TPRG1: variants seen among roughly 807,000 people sequenced by gnomAD.
TPRG1 encodes tumor protein p63-regulated gene 1 protein.
In TPRG1, 29 loss-of-function variants were observed where a neutral mutation model predicts 29.3. The observed-to-expected ratio is 0.99, with a 90% CI of 0.74 to 1.35. The LOEUF (loss-of-function observed/expected upper bound fraction) is 1.35, where lower values mean the gene tolerates loss of function less well. Ranked by LOEUF, TPRG1 falls within the 40% of genes most tolerant of loss-of-function variation. The probability of loss-of-function intolerance (pLI) is 0.00; values close to 1 mark genes in which losing one functional copy is unlikely to be tolerated. For missense variants in TPRG1, 327 were observed against 335.0 expected (o/e 0.98, Z 0.19); for synonymous variants, 130 against 116.8 (o/e 1.11, Z -0.73).
chr3:189,069,559 G>A (rs1716682974), intron 4 of TPRG1, among the ~76,000 whole-genome samples: 1 of 152,094 alleles, frequency 6.6e-6, no homozygotes, highest in African/African-American at 2.4e-5. Context: ...GCATCTAAAG[G>A]TATAATGATC....
At position 189,207,369 on chromosome 3, in the gene TPRG1, G is replaced by T. The variant is rs1346284750; in HGVS notation, c.-9-7G>T. The stretch of plus-strand genomic sequence containing the variant: ...TTTTCAATGAGATTTTTCTGCCCTT[G>T]GTTTAGGCTGAAGAAATGTCAACAA... On this transcript the variant is annotated splice_polypyrimidine_tract_variant and splice_region_variant and intron_variant, in intron 1 of 5. Transcript: ENST00000345063. 37 of 1,613,682 alleles carry T rather than the reference G, an allele frequency of 2.3e-5. No homozygotes were observed. The highest frequency in any genetic ancestry group is 3.1e-5 in the Non-Finnish European group (37 of 1,179,818).
chr3:189,135,570 C>A (rs764134910), intron 3 of TPRG1, among the ~76,000 whole-genome samples: 5 of 152,190 alleles, frequency 3.3e-5, no homozygotes, highest in Non-Finnish European at 7.3e-5. Context: ...CTTTCCCTGT[C>A]GCCCTTCATG....
chr3:189,254,456 A>T (rs996626137), intron 4 of TPRG1, among the ~76,000 whole-genome samples: 3 of 152,176 alleles, frequency 2.0e-5, no homozygotes, highest in Non-Finnish European at 2.9e-5. Flanking sequence ...AGGTAGCATG[A>T]TGCCTCCAGC....
intron 4 of TPRG1, among the ~76,000 whole-genome samples, chr3:189,247,693 C>G (rs557488776): frequency 6.6e-6 from 1 of 151,866 alleles, no homozygotes; most frequent in Non-Finnish European, 1.5e-5. Flanking sequence ...GAAAAGCAGT[C>G]TGCTGGGAAT....
In TPRG1 at chr3:189,176,888, A is replaced by G. The variant is rs115196701; in HGVS notation, c.-10+4757A>G. On this transcript the variant is annotated intron_variant, in intron 1 of 5. Coordinates refer to ENST00000345063, the MANE Select transcript of TPRG1 (RefSeq NM_198485.4). ...ATGCAGGGCCCTGTAAGACACAATAAGGGCTTTGACTTTCACTCTGATTGA... is the reference window on the plus strand; with the variant it reads ...ATGCAGGGCCCTGTAAGACACAATAGGGGCTTTGACTTTCACTCTGATTGA... Among the ~76,000 whole-genome samples, 899 of 152,362 alleles carry G rather than the reference A, an allele frequency of 5.9e-3. 13 individuals are homozygous for G. The highest frequency in any genetic ancestry group is 0.021 in the African/African-American group (874 of 41,586).
chr3:189,061,241 A>G (rs1716085271), intron 4 of TPRG1, among the ~76,000 whole-genome samples: 1 of 152,210 alleles, frequency 6.6e-6, no homozygotes, highest in Admixed American at 6.5e-5. Context: ...CTGGATAGCC[A>G]TATGCAGAAG....
At chr3:189,083,447 C>A (rs371761520) in intron 4 of TPRG1, among the ~76,000 whole-genome samples, 1 of 152,312 alleles carries the variant, frequency 6.6e-6, no homozygotes, top group South Asian at 2.1e-4. Context: ...CCTGTCACGC[C>A]ATCTACCCAA....
intron 4 of TPRG1, among the ~76,000 whole-genome samples, chr3:189,262,552 G>A (rs979088544): frequency 6.6e-6 from 1 of 152,126 alleles, no homozygotes; most frequent in Admixed American, 6.5e-5. Flanking sequence ...TGACAGTCAT[G>A]GGGCAAGCAG....
chr3:189,070,206 A>G (rs1381427404), intron 4 of TPRG1, among the ~76,000 whole-genome samples: 2 of 152,248 alleles, frequency 1.3e-5, no homozygotes, highest in Non-Finnish European at 2.9e-5. Context: ...CGCTTATGAA[A>G]TGACAAAATG....
chr3:189,076,179 G>T (rs1192817120), intron 4 of TPRG1, among the ~76,000 whole-genome samples: 2 of 152,058 alleles, frequency 1.3e-5, no homozygotes, highest in African/African-American at 4.8e-5. Flanking sequence ...GTTGGCTTTT[G>T]TTTGTCCATT....
intron 4 of TPRG1, among the ~76,000 whole-genome samples, chr3:189,064,479 G>GA (rs1027369965): frequency 4.0e-5 from 6 of 151,622 alleles, no homozygotes; most frequent in Non-Finnish European, 8.8e-5. Context: ...CAAAAGATTA[G>GA]AAAAAAAGCA....
intron 2 of TPRG1, among the ~76,000 whole-genome samples, chr3:189,127,431 CA>C (rs1445236092): frequency 1.3e-5 from 2 of 152,126 alleles, no homozygotes; most frequent in Non-Finnish European, 2.9e-5. Context: ...ACTATTGACA[CA>C]AGTTAAAATT....
chr3:189,239,878 G>A (rs968035665), intron 4 of TPRG1, among the ~76,000 whole-genome samples: 4 of 152,106 alleles, frequency 2.6e-5, no homozygotes, highest in Admixed American at 6.6e-5. Flanking sequence ...TGCTGAATTA[G>A]GTAAGTTCCT....
At chr3:189,182,178 A>G (rs970170949) in intron 1 of TPRG1, among the ~76,000 whole-genome samples, 2 of 152,212 alleles carry the variant, frequency 1.3e-5, no homozygotes, top group Admixed American at 6.5e-5. Flanking sequence ...GAAGCCAACT[A>G]CTATGGTTAA....
intron 3 of TPRG1, among the ~76,000 whole-genome samples, chr3:189,141,024 G>T (rs118064946): frequency 6.6e-6 from 1 of 152,166 alleles, no homozygotes; most frequent in Non-Finnish European, 1.5e-5. Context: ...TTGCACACAA[G>T]TACATCAAGC....
At chr3:189,221,443 T>A (rs1230185835) in intron 3 of TPRG1, among the ~76,000 whole-genome samples, 2 of 152,214 alleles carry the variant, frequency 1.3e-5, no homozygotes, top group African/African-American at 4.8e-5. Flanking sequence ...TAACCTTCAA[T>A]GGCCAAGGGT....
At chr3:189,063,426 G>A (rs984723580) in intron 4 of TPRG1, among the ~76,000 whole-genome samples, 4 of 151,852 alleles carry the variant, frequency 2.6e-5, no homozygotes, top group Admixed American at 6.6e-5. Flanking sequence ...GTATCTAAAC[G>A]ACATATGTAA....
intron 2 of TPRG1, among the ~76,000 whole-genome samples, chr3:189,129,163 A>G (rs1311225642): frequency 6.6e-6 from 1 of 152,168 alleles, no homozygotes; most frequent in Non-Finnish European, 1.5e-5. Context: ...CTAGGCTCCA[A>G]TTCAGAGTCC....
At position 189,086,926 on chromosome 3, in the gene TPRG1, T is replaced by C. The variant is rs374524611; in HGVS notation, c.-462-40131T>C. 2.6e-5 allele frequency among the ~76,000 whole-genome samples: 4 copies of C among 152,324 alleles called. No individual in the cohort carries two copies. The East Asian group carries it at 5.8e-4, about 22-fold the overall frequency. ...TATCATTGATGTACATTTGGGTTGG[T>C]TCCAAGTCTTTGCTGTTGTGAATAG... On this transcript the variant is annotated intron_variant, in intron 4 of 10. Transcript: ENST00000433971.
Sources: allele counts gnomAD v4.1 joint callset (sites outside exome capture counted in the v4.1 genomes callset), GRCh38; gene constraint gnomAD v4.1.1; transcripts MANE v1.5; gene names NCBI Gene and HGNC (gene_info 2026-07-23, HGNC 2026-07-21).